DDX31: variants seen among roughly 807,000 people sequenced by gnomAD.
DDX31 encodes the protein ATP-dependent DNA helicase DDX31.
In DDX31, 70 loss-of-function variants were observed where a neutral mutation model predicts 91.3. The ratio of observed to expected loss-of-function variants is 0.77; its 90% CI spans 0.63 to 0.94. The LOEUF (loss-of-function observed/expected upper bound fraction) is 0.94, where lower values mean the gene tolerates loss of function less well. Ranked by LOEUF, DDX31 falls within the 40% of genes least tolerant of loss-of-function variation. DDX31 has a pLI of 0.00. For missense variants in DDX31, 902 were observed against 925.0 expected (o/e 0.98, Z 0.32); for synonymous variants, 362 against 350.6 (o/e 1.03, Z -0.36).
At chr9:132,668,742 T>C (rs1008130017) in intron 1 of DDX31, among the ~76,000 whole-genome samples, 1 of 152,110 alleles carries the variant, frequency 6.6e-6, no homozygotes, top group Non-Finnish European at 1.5e-5. Context: ...TAATTTTTTG[T>C]ATTTTTAGTA....
chr9:132,657,535 A>C (rs1454541247), intron 6 of DDX31, among the ~76,000 whole-genome samples: 1 of 152,226 alleles, frequency 6.6e-6, no homozygotes, highest in African/African-American at 2.4e-5. Flanking sequence ...TATTTGTATC[A>C]GTTTGAACTC....
rs186909169 is a variant in DDX31 at position 132,611,134 on chromosome 9, A to G, written c.1994+953T>C. ...CAGCTCAGAGTGGTTCTGCCTGCAGATTCCCAGAGTCAGTGGGGGAGCCTG... is the reference window on the plus strand; with the variant it reads ...CAGCTCAGAGTGGTTCTGCCTGCAGGTTCCCAGAGTCAGTGGGGGAGCCTG... On this transcript the variant is annotated intron_variant, in intron 19 of 19. Coordinates refer to ENST00000372159, the MANE Select transcript of DDX31 (RefSeq NM_022779.9). 2.6e-5 allele frequency among the ~76,000 whole-genome samples: 4 copies of G among 152,330 alleles called. No homozygotes were observed. In the East Asian group the frequency reaches 7.7e-4, roughly 29 times the overall value.
Position 132,647,016 on chromosome 9 carries a change from C to T in DDX31, c.1010G>A (p.Ser337Asn). The change falls in exon 12 of 20, where the codon AGT becomes AAT. Residue 337 changes from serine to asparagine, a missense_variant. Transcript: ENST00000372159. ...LADISLHDPV[S>N]ISVLDKSHDQ... Reference sequence around the variant, plus strand: ...ATGGCTCTTGTCCAGGACAGAAATACTGACTGGATCATGCAAACTGATATC... The same window carrying T: ...ATGGCTCTTGTCCAGGACAGAAATATTGACTGGATCATGCAAACTGATATC... The T allele has an allele frequency of 6.2e-7, 1 of 1,614,232 alleles. No individual in the cohort carries two copies. Among genetic ancestry groups the T allele is most frequent in the Non-Finnish European group, 8.5e-7 (1 of 1,180,046 alleles).
chr9:132,625,896 G>C (rs944286398), intron 16 of DDX31, 151 bp from the exon 17 acceptor site: 1 of 600,832 alleles, frequency 1.7e-6, no homozygotes, highest in Non-Finnish European at 2.9e-6. Flanking sequence ...TAAACCCTTA[G>C]GAATTGAGAA....
At chr9:132,610,068 C>T (rs747926248) in intron 19 of DDX31, among the ~76,000 whole-genome samples, 2 of 152,148 alleles carry the variant, frequency 1.3e-5, no homozygotes, top group African/African-American at 2.4e-5. Context: ...GGTTTCATTC[C>T]GCACTCAAAT....
At chr9:132,613,128 C>T (rs1360376002) in intron 18 of DDX31, among the ~76,000 whole-genome samples, 7 of 152,184 alleles carry the variant, frequency 4.6e-5, no homozygotes, top group South Asian at 4.1e-4. Flanking sequence ...GTGGTCCTCC[C>T]GCCTCAGCCT....
At chr9:132,663,195 T>C in intron 1 of DDX31, 1 of 1,289,446 alleles carries the variant, frequency 7.8e-7, no homozygotes, top group South Asian at 1.2e-5. Context: ...TCTCAGCCCG[T>C]GCCCAGGAAG....
chr9:132,638,484 T>A (rs1050316140), intron 14 of DDX31: 1 of 1,361,582 alleles, frequency 7.3e-7, no homozygotes, highest in Non-Finnish European at 1.0e-6. Flanking sequence ...TTCTTGCTCA[T>A]CCCTACTTCC....
chr9:132,652,405 A>G (rs1399565916), intron 7 of DDX31, 43 bp downstream of exon 7: 1 of 1,613,492 alleles, frequency 6.2e-7, no homozygotes, highest in Non-Finnish European at 8.5e-7. Context: ...GACATTAGTG[A>G]AAGCATGTGC....
In DDX31 at chr9:132,644,264, T is replaced by C. The variant is rs143559285; in HGVS notation, c.1380+1631A>G. Among the ~76,000 whole-genome samples, 79 of 152,244 alleles carry C rather than the reference T, an allele frequency of 5.2e-4. 1 individual carries two copies. The East Asian group carries it at 0.014, about 28-fold the overall frequency. ...AACTATAAAAAAACAACTTTTAAAC[T>C]ATAAAAAAAGAACTATTCCTGAAAG... On this transcript the variant is annotated intron_variant, in intron 13 of 19. Coordinates refer to ENST00000372159, the MANE Select transcript of DDX31 (RefSeq NM_022779.9).
rs547960626 is a variant in DDX31, at chr9:132,655,040, G to A, written c.589-2548C>T. On this transcript the variant is annotated intron_variant, in intron 6 of 19. Coordinates refer to ENST00000372159, the MANE Select transcript of DDX31 (RefSeq NM_022779.9). Reference sequence around the variant, plus strand: ...CTGGACCTTCTACACCGCTGCTGGAGTGCACACTGGCATATTCCCTTTCAA... The same window carrying A: ...CTGGACCTTCTACACCGCTGCTGGAATGCACACTGGCATATTCCCTTTCAA... Among the ~76,000 whole-genome samples the A allele has an allele frequency of 3.9e-5, 6 of 151,990 alleles. No homozygotes were observed. In the East Asian group the frequency reaches 1.2e-3, roughly 29 times the overall value.
At chr9:132,597,226 A>G (rs1358997138) in intron 19 of DDX31, among the ~76,000 whole-genome samples, 1 of 152,156 alleles carries the variant, frequency 6.6e-6, no homozygotes, top group Non-Finnish European at 1.5e-5. Context: ...TCACCCGCCC[A>G]GTGCGGACCA....
intron 17 of DDX31, among the ~76,000 whole-genome samples, chr9:132,622,147 G>A (rs966613762): frequency 1.3e-5 from 2 of 152,144 alleles, no homozygotes; most frequent in South Asian, 2.1e-4. Flanking sequence ...TTTATACCTC[G>A]TTTTATTTAA....
chr9:132,654,436 C>T (rs1178048075), intron 6 of DDX31, among the ~76,000 whole-genome samples: 3 of 151,842 alleles, frequency 2.0e-5, no homozygotes, highest in Non-Finnish European at 2.9e-5. Flanking sequence ...CATGGTGAAA[C>T]CCTGTCTCTA....
intron 11 of DDX31, 49 bp downstream of exon 11, chr9:132,648,140 T>C (rs549947397): frequency 6.7e-7 from 1 of 1,483,214 alleles, no homozygotes; most frequent in Non-Finnish European, 9.3e-7. Flanking sequence ...TCTAGGTCCT[T>C]CCTCTTCATT....
At chr9:132,652,905 G>T (rs1834301538) in intron 6 of DDX31, among the ~76,000 whole-genome samples, 1 of 152,080 alleles carries the variant, frequency 6.6e-6, no homozygotes, top group African/African-American at 2.4e-5. Flanking sequence ...CCAGCCATGT[G>T]GAACTGTAAG....
At position 132,662,682 on chromosome 9, in the gene DDX31, G is replaced by A. The variant is rs775329327; in HGVS notation, c.89C>T (p.Thr30Met). 5.0e-6 allele frequency: 8 copies of A among 1,613,838 alleles called. No homozygotes were observed. Among genetic ancestry groups the A allele is most frequent in the East Asian group, 2.2e-5 (1 of 44,882 alleles). Residue 30 changes from threonine to methionine, a missense_variant, in exon 2 of 20, where the codon ACG becomes ATG. By Grantham distance (81) the Thr-to-Met change is moderately conservative. Coordinates refer to ENST00000372159, the MANE Select transcript of DDX31 (RefSeq NM_022779.9). ...ACTGGACGCTTGGTATTTTCTTTTCGTAGCCTTTGCTTGCTGCGTTGTTCC... is the reference window on the plus strand; with the variant it reads ...ACTGGACGCTTGGTATTTTCTTTTCATAGCCTTTGCTTGCTGCGTTGTTCC... Reference protein sequence around the residue: ...PAQASRQAKATKRKYQASSEA... With the variant: ...PAQASRQAKAMKRKYQASSEA...
chr9:132,652,486 C>CACTG lies in DDX31; in HGVS notation c.591_594dup (p.Asp199GlnfsTer2). 1.9e-6 allele frequency: 3 copies of CACTG among 1,614,126 alleles called. No individual in the cohort carries two copies. The highest frequency in any genetic ancestry group is 2.5e-6 in the Non-Finnish European group (3 of 1,180,030). On this transcript the variant is annotated frameshift_variant, in exon 7 of 20. Transcript: ENST00000372159. LOFTEE classifies it high-confidence loss of function. ...ACGAGCACCAGGGCATAGGGGCCAT[C>CACTG]ACTGCGCTGTTGACACACAGAAAAA...
intron 19 of DDX31, among the ~76,000 whole-genome samples, chr9:132,609,450 G>A (rs934603222): frequency 4.6e-5 from 7 of 152,184 alleles, no homozygotes; most frequent in Non-Finnish European, 7.4e-5. Context: ...CAATTCCCCC[G>A]CCCACAGGCC....
Sources: allele counts gnomAD v4.1 joint callset (sites outside exome capture counted in the v4.1 genomes callset), GRCh38; gene constraint gnomAD v4.1.1; transcripts MANE v1.5; gene names NCBI Gene and HGNC (gene_info 2026-07-23, HGNC 2026-07-21).